The following ATP2A2 variants were observed in gnomAD, a reference collection of about 807,000 sequenced individuals.
ATP2A2 encodes sarcoplasmic/endoplasmic reticulum calcium ATPase 2.
In ATP2A2, 14 loss-of-function variants were observed where a neutral mutation model predicts 109.3. The ratio of observed to expected loss-of-function variants is 0.13; its 90% confidence interval spans 0.08 to 0.20. The LOEUF is 0.20. Among genes scored for constraint, ATP2A2 ranks in the 10% least tolerant of loss-of-function variants. ATP2A2 has a pLI of 1.00. For missense variants in ATP2A2, 657 were observed against 1,321.6 expected (o/e 0.50, Z 7.80); for synonymous variants, 506 against 490.9 (o/e 1.03, Z -0.41).
chr12:110,332,300 G>T, intron 8 of ATP2A2: 1 of 409,792 alleles, frequency 2.4e-6, no homozygotes, highest in Admixed American at 3.7e-5. Context: ...GATTTTGTGT[G>T]GGTTGTTGTG....
chr12:110,329,122 T>C (rs1183328645), intron 8 of ATP2A2, among the ~76,000 whole-genome samples: 2 of 152,240 alleles, frequency 1.3e-5, no homozygotes, highest in African/African-American at 4.8e-5. Flanking sequence ...TACTTGCATA[T>C]AACCTTGTTC....
intron 11 of ATP2A2, among the ~76,000 whole-genome samples, chr12:110,336,098 A>G (rs1393277449): frequency 2.6e-5 from 4 of 152,140 alleles, no homozygotes; most frequent in Non-Finnish European, 5.9e-5. Flanking sequence ...TTGGATTCCT[A>G]TGGAATTGGG....
intron 11 of ATP2A2, among the ~76,000 whole-genome samples, chr12:110,335,461 T>C (rs1328038406): frequency 1.3e-5 from 2 of 152,072 alleles, no homozygotes; most frequent in African/African-American, 2.4e-5. Flanking sequence ...GCCTAGAGTT[T>C]AGGTTGCAGC....
chr12:110,342,086 T>A lies in ATP2A2; in HGVS notation c.2098-142T>A, dbSNP rs1305183172. On this transcript the variant is annotated intron_variant, in intron 14 of 19. Coordinates refer to ENST00000539276, the MANE Select transcript of ATP2A2 (RefSeq NM_170665.4). The surrounding 1 kb of genome is among the most constrained non-coding windows in gnomAD (Gnocchi z 4.6). ...AAATGTGTTTTGTGACACCAACTTA[T>A]GAAACAAAAATTCTAAAACTCTTTG... 3.1e-6 allele frequency: 3 copies of A among 955,120 alleles called. No homozygotes were observed. In the East Asian group the frequency reaches 7.7e-5, roughly 25 times the overall value. The allele number at this position is 955,120 out of a possible 1,614,324, so 59.2% of individuals were successfully genotyped here.
chr12:110,292,908 T>G (rs561748354), intron 4 of ATP2A2, among the ~76,000 whole-genome samples: 8 of 152,208 alleles, frequency 5.3e-5, no homozygotes, highest in Non-Finnish European at 7.4e-5. Flanking sequence ...GTGACAAACT[T>G]TAAAAGCTAC....
At chr12:110,316,268 T>G (rs995112492) in intron 5 of ATP2A2, among the ~76,000 whole-genome samples, 1 of 152,210 alleles carries the variant, frequency 6.6e-6, no homozygotes, top group Non-Finnish European at 1.5e-5. Context: ...TTTGGCAGTC[T>G]TAATTACTCT....
At chr12:110,315,112 T>C (rs1308008639) in intron 5 of ATP2A2, among the ~76,000 whole-genome samples, 1 of 152,200 alleles carries the variant, frequency 6.6e-6, no homozygotes, top group Non-Finnish European at 1.5e-5. Context: ...GTGATCCGCC[T>C]GCCTCAGCCT....
At chr12:110,323,143 T>A (rs1046712740) in intron 6 of ATP2A2, 71 bp downstream of exon 6, 21 of 1,147,214 alleles carry the variant, frequency 1.8e-5, no homozygotes, top group Non-Finnish European at 2.8e-5. Flanking sequence ...GAGTTGGCTC[T>A]TGCCTCACTG....
At chr12:110,333,143 A>G in intron 9 of ATP2A2, 38 bp from the exon 10 acceptor site, 2 of 1,552,108 alleles carry the variant, frequency 1.3e-6, no homozygotes, top group African/African-American at 2.7e-5. Context: ...AATAGTGGCG[A>G]CCATACCCTG....
intron 14 of ATP2A2, among the ~76,000 whole-genome samples, chr12:110,341,717 A>G (rs1231729111): frequency 6.6e-6 from 1 of 152,132 alleles, no homozygotes; most frequent in African/African-American, 2.4e-5. Context: ...TACTAAAAAT[A>G]CAAAAAATTG....
intron 7 of ATP2A2, 76 bp downstream of exon 7, chr12:110,326,551 A>C: frequency 7.8e-6 from 10 of 1,286,094 alleles, no homozygotes; most frequent in Non-Finnish European, 1.1e-5. Flanking sequence ...TTTCACTGCC[A>C]ACCATCACTG....
At position 110,345,962 on chromosome 12, in the gene ATP2A2, C is replaced by G. The variant is rs765382389; in HGVS notation, c.2742-39C>G. Reference sequence around the variant, plus strand: ...TACTGCCACTGTGACACGTGCCTTGCCTTGGGGGTGCGTTTCCCCACCTCT... The same window carrying G: ...TACTGCCACTGTGACACGTGCCTTGGCTTGGGGGTGCGTTTCCCCACCTCT... On this transcript the variant is annotated intron_variant, in intron 18 of 19. Transcript: ENST00000539276. 61 of 1,598,394 alleles carry G rather than the reference C, an allele frequency of 3.8e-5. 2 individuals are homozygous for G. The Middle Eastern group carries it at 1.0e-3, about 26-fold the overall frequency.
At chr12:110,330,052 A>G (rs1878191401) in intron 8 of ATP2A2, 2 of 152,226 alleles carry the variant, frequency 1.3e-5, no homozygotes, top group African/African-American at 4.8e-5. Context: ...CTCATATAAC[A>G]TGAGCATTTA....
Position 110,347,829 on chromosome 12 carries a change from T to C in ATP2A2, c.*1359T>C. ...TTCCTGGGATTTGGATGCTTTAGCCTAAAGGTGACTGCCACCAAGTGAGAT... is the reference window on the plus strand; with the variant it reads ...TTCCTGGGATTTGGATGCTTTAGCCCAAAGGTGACTGCCACCAAGTGAGAT... On this transcript the variant is annotated 3_prime_UTR_variant, in exon 20 of 20. Coordinates refer to ENST00000539276, the MANE Select transcript of ATP2A2 (RefSeq NM_170665.4). The C allele has an allele frequency of 9.7e-7, 1 of 1,030,300 alleles. No individual in the cohort carries two copies. The highest frequency in any genetic ancestry group is 1.2e-6 in the Non-Finnish European group (1 of 856,850). 63.8% of individuals were successfully genotyped at this position (1,030,300 alleles called of 1,614,324 possible).
chr12:110,290,668 G>A (rs1178964881), intron 3 of ATP2A2, among the ~76,000 whole-genome samples: 1 of 152,074 alleles, frequency 6.6e-6, no homozygotes, highest in Non-Finnish European at 1.5e-5. Flanking sequence ...GCAGTGGTGC[G>A]ATCTCAGCTC....
chr12:110,296,329 T>C (rs927303222), intron 4 of ATP2A2: 3 of 435,944 alleles, frequency 6.9e-6, no homozygotes, highest in Non-Finnish European at 1.3e-5. Flanking sequence ...AAGCTGTGTT[T>C]TACAGTCTTA....
At chr12:110,297,164 G>C (rs1167539968) in intron 5 of ATP2A2, among the ~76,000 whole-genome samples, 1 of 152,136 alleles carries the variant, frequency 6.6e-6, no homozygotes, top group Non-Finnish European at 1.5e-5. Flanking sequence ...GCTTGGCCAG[G>C]CTTGGTAGCT....
intron 5 of ATP2A2, among the ~76,000 whole-genome samples, chr12:110,309,173 T>TTTTTTTTTTTTTTTA (rs1875723207): frequency 7.5e-6 from 1 of 133,396 alleles, no homozygotes; most frequent in Non-Finnish European, 1.6e-5. Flanking sequence ...TTTTTTTTTT[T>TTTTTTTTTTTTTTTA]TTGAGATGGA....
chr12:110,290,190 A>T (rs1873114347), intron 3 of ATP2A2, among the ~76,000 whole-genome samples: 1 of 152,180 alleles, frequency 6.6e-6, no homozygotes, highest in Non-Finnish European at 1.5e-5. Flanking sequence ...AGAAACGGGG[A>T]ATTAACTGGT....
Sources: gnomAD v4.1 joint callset for allele counts (sites outside exome capture counted in the v4.1 genomes callset) on GRCh38, gnomAD v4.1.1 for gene constraint, Gnocchi (gnomAD v3.1) non-coding constraint, MANE v1.5 for transcripts, NCBI Gene and HGNC (gene_info 2026-07-23, HGNC 2026-07-21) for gene names.